CLTCL1: variants seen among roughly 807,000 people sequenced by gnomAD.
The protein encoded by CLTCL1 is clathrin heavy chain like 1, also known as clathrin heavy chain 2.
A neutral mutation model predicts 190.0 loss-of-function variants in CLTCL1; 159 were observed. The observed-to-expected ratio is 0.84, with a 90% CI of 0.74 to 0.95. The LOEUF is 0.95. Ranked by LOEUF, CLTCL1 falls within the 40% of genes least tolerant of loss-of-function variation. CLTCL1 has a pLI of 0.00. For synonymous variants in CLTCL1, 752 were observed against 769.6 expected (o/e 0.98, Z 0.38); for missense variants, 1,878 against 2,033.4 (o/e 0.92, Z 1.47).
At chr22:19,218,158 T>C (rs1555950594) in intron 18 of CLTCL1, among the ~76,000 whole-genome samples, 2 of 152,152 alleles carry the variant, frequency 1.3e-5, no homozygotes, top group African/African-American at 4.8e-5. Context: ...CCAGCAGCTC[T>C]ACCCAGAAAC....
chr22:19,275,228 T>C (rs1601716471), intron 2 of CLTCL1, among the ~76,000 whole-genome samples: 1 of 152,170 alleles, frequency 6.6e-6, no homozygotes, highest in African/African-American at 2.4e-5. Context: ...TCCTCTATCA[T>C]TGATGTGTTT....
chr22:19,291,669 G>A lies in CLTCL1; in HGVS notation c.-28C>T, dbSNP rs1555994205. 6.6e-6 allele frequency: 9 copies of A among 1,359,876 alleles called. No homozygotes were observed. The highest frequency in any genetic ancestry group is 8.6e-6 in the Non-Finnish European group (9 of 1,043,840). The allele number at this position is 1,359,876 out of a possible 1,614,324, so 84.2% of individuals were successfully genotyped here. On this transcript the variant is annotated 5_prime_UTR_variant, in exon 1 of 33. Coordinates refer to ENST00000427926, the MANE Select transcript of CLTCL1 (RefSeq NM_007098.4). Reference sequence around the variant, plus strand: ...CTGGTGCGGGACCTCGGCGGCGGCGGCGGCAGCGGCAGGAATGAACGCCGA... The same window carrying A: ...CTGGTGCGGGACCTCGGCGGCGGCGACGGCAGCGGCAGGAATGAACGCCGA...
rs139236665 is a variant in CLTCL1 at position 19,198,563 on chromosome 22, A to G, written c.3873+1171T>C. 2.1e-3 allele frequency among the ~76,000 whole-genome samples: 319 copies of G among 152,140 alleles called. No homozygotes were observed. The highest frequency in any genetic ancestry group is 7.3e-3 in the African/African-American group (304 of 41,494). On this transcript the variant is annotated intron_variant, in intron 24 of 32. Transcript: ENST00000427926. This position sits in a 1 kb window ranked among gnomAD's most constrained non-coding sequence, Gnocchi z 4.1. ...TTCTGCCTCAGGACTTTGCCTGGCC[A>G]CTGACCCTTCCCTCAAATGTTCCCA...
chr22:19,283,273 ATTTTCTTTCTTT>A (rs1469065999), intron 1 of CLTCL1, among the ~76,000 whole-genome samples: 2 of 150,568 alleles, frequency 1.3e-5, no homozygotes, highest in African/African-American at 4.9e-5. Context: ...TTTTAAAAAA[ATTTTCTTTCTTT>A]TTTTCTTTCT....
intron 29 of CLTCL1, among the ~76,000 whole-genome samples, chr22:19,185,821 G>T (rs1555928108): frequency 6.6e-6 from 1 of 152,206 alleles, no homozygotes; most frequent in Non-Finnish European, 1.5e-5. Context: ...GGACAGAATG[G>T]CTGTGATCAG....
In CLTCL1 at chr22:19,183,559, A is replaced by C. The variant is rs2084211692; in HGVS notation, c.4658T>G (p.Leu1553Trp). ...GCCTTCCTCCAGGAACCACTGCAGC[A>C]ACTTCTGGGCCAGCTCAGCATCCCG... ...ESRDAELAQK[L>W]LQWFLEEGKR... Residue 1553 changes from leucine (L) to tryptophan (W), a missense_variant, in exon 30 of 33, where the codon TTG becomes TGG. Leu to Trp is a moderately conservative substitution (Grantham distance 61). Coordinates refer to ENST00000427926, the MANE Select transcript of CLTCL1 (RefSeq NM_007098.4). 1.2e-6 allele frequency: 2 copies of C among 1,613,804 alleles called. No homozygotes were observed. Among genetic ancestry groups the C allele is most frequent in the East Asian group, 2.2e-5 (1 of 44,888 alleles).
In CLTCL1 at chr22:19,210,380, A is replaced by G. The variant is rs2085179844; in HGVS notation, c.3195T>C (p.Tyr1065=). The change falls in exon 20 of 33, where the codon TAT becomes TAC. Residue 1065 remains tyrosine (Y), a synonymous_variant. Coordinates refer to ENST00000427926, the MANE Select transcript of CLTCL1 (RefSeq NM_007098.4). Reference sequence around the variant, plus strand: ...TGTGGAAAACGGTGAAGGCCTCCTCATACAGTGCGCTGCTGACAGCGATGC... The same window carrying G: ...TGTGGAAAACGGTGAAGGCCTCCTCGTACAGTGCGCTGCTGACAGCGATGC... ...IASIAVSSAL[Y]EEAFTVFHKF... 6.2e-7 allele frequency: 1 copy of G among 1,614,040 alleles called. No homozygotes were observed. The highest frequency in any genetic ancestry group is 1.3e-5 in the African/African-American group (1 of 75,068).
intron 2 of CLTCL1, chr22:19,257,778 A>G: frequency 7.1e-7 from 1 of 1,416,788 alleles, no homozygotes; most frequent in Non-Finnish European, 9.4e-7. Context: ...GACCATGCAA[A>G]GCCTGAACGA....
intron 5 of CLTCL1, among the ~76,000 whole-genome samples, chr22:19,237,601 T>A (rs1189586760): frequency 2.0e-5 from 3 of 152,230 alleles, no homozygotes; most frequent in Non-Finnish European, 4.4e-5. Context: ...TGGAGCACAA[T>A]GTTCCTTATA....
intron 1 of CLTCL1, among the ~76,000 whole-genome samples, chr22:19,291,086 G>A (rs1359155673): frequency 6.6e-6 from 1 of 152,212 alleles, no homozygotes; most frequent in Non-Finnish European, 1.5e-5. Context: ...CAGGCTTTGG[G>A]GGTGTTACTG....
chr22:19,220,106 T>TCATCCCA, intron 17 of CLTCL1, 99 bp from the exon 18 acceptor site: 1 of 1,481,388 alleles, frequency 6.8e-7, no homozygotes. Context: ...CTGATACTGG[T>TCATCCCA]TTGGTGGACA....
intron 2 of CLTCL1, chr22:19,258,159 T>C (rs1555973677): frequency 2.8e-6 from 1 of 353,938 alleles, no homozygotes; most frequent in Non-Finnish European, 5.5e-6. Flanking sequence ...CTGTTCTTCA[T>C]GAAGAACCAT....
intron 2 of CLTCL1, among the ~76,000 whole-genome samples, chr22:19,255,773 G>T (rs2086726165): frequency 6.6e-6 from 1 of 151,620 alleles, no homozygotes. Context: ...AGCCGGGCAT[G>T]GTGGCACACT....
rs539508327 is a variant in CLTCL1, at chr22:19,189,404, CT to C, written c.4324-1314del. ...AAAATTGGTCTCAGTCCTCTCCAAC[CT>C]TGCTGCCACTTTATCAACCAGGTTT... is the stretch of plus-strand genomic sequence containing the variant. On this transcript the variant is annotated intron_variant, in intron 27 of 32. Coordinates refer to ENST00000427926, the MANE Select transcript of CLTCL1 (RefSeq NM_007098.4). Among the ~76,000 whole-genome samples the C allele has an allele frequency of 4.6e-5, 7 of 152,354 alleles. No individual in the cohort carries two copies. In the East Asian group the frequency reaches 9.6e-4, roughly 21 times the overall value.
rs1555935920 is a variant in CLTCL1, at chr22:19,196,604, A to G, written c.3926T>C (p.Leu1309Pro). ...LILLLEAALG[L>P]ERAHMGMFTE... Reference sequence around the variant, plus strand: ...GAACATGCCCATGTGGGCCCGCTCCAGGCCCAGGGCCGCTTCCAACAGCAA... The same window carrying G: ...GAACATGCCCATGTGGGCCCGCTCCGGGCCCAGGGCCGCTTCCAACAGCAA... The change falls in exon 25 of 33, where the codon CTG becomes CCG. Residue 1309 changes from leucine (L) to proline (P), a missense_variant. Coordinates refer to ENST00000427926, the MANE Select transcript of CLTCL1 (RefSeq NM_007098.4). 1 of 1,613,778 alleles carries G rather than the reference A, an allele frequency of 6.2e-7. No homozygotes were observed. The highest frequency in any genetic ancestry group is 1.1e-5 in the South Asian group (1 of 91,024).
At chr22:19,278,090 C>T (rs1555984438) in intron 1 of CLTCL1, among the ~76,000 whole-genome samples, 1 of 152,114 alleles carries the variant, frequency 6.6e-6, no homozygotes, top group Non-Finnish European at 1.5e-5. Flanking sequence ...CGAGGGGTGT[C>T]CTTGCCTCTC....
chr22:19,193,017 T>C lies in CLTCL1; in HGVS notation c.4192-1582A>G, dbSNP rs539534241. ...TGTGATGTGGGGCTGAAGAGAAGGG[T>C]AGGGACTCAAGTTCATCTTCTGTGG... On this transcript the variant is annotated intron_variant, in intron 26 of 32. Transcript: ENST00000427926. 2.1e-3 allele frequency among the ~76,000 whole-genome samples: 326 copies of C among 152,164 alleles called. 1 individual carries two copies. The highest frequency in any genetic ancestry group is 3.9e-3 in the South Asian group (19 of 4,820).
intron 2 of CLTCL1, among the ~76,000 whole-genome samples, chr22:19,256,667 A>G (rs1404219098): frequency 7.3e-6 from 1 of 137,060 alleles, no homozygotes; most frequent in East Asian, 2.1e-4. Context: ...CTAATTTTTA[A>G]TTTTTTTTTT....
chr22:19,179,999 A>C (rs1234012042), intron 32 of CLTCL1, 30 bp from the exon 33 acceptor site: 7 of 596,664 alleles, frequency 1.2e-5, no homozygotes, highest in Non-Finnish European at 3.0e-6. Context: ...CAATGAGCAG[A>C]GCTCTTCCTG....
Sources: gnomAD v4.1 joint callset for allele counts (sites outside exome capture counted in the v4.1 genomes callset) on GRCh38, gnomAD v4.1.1 for gene constraint, Gnocchi (gnomAD v3.1) non-coding constraint, MANE v1.5 for transcripts, NCBI Gene and HGNC (gene_info 2026-07-23, HGNC 2026-07-21) for gene names.